Variants in HTR1F observed in about 807,000 individuals in gnomAD.
HTR1F encodes the protein 5-hydroxytryptamine receptor 1F, also known as 5-hydroxytryptamine (serotonin) receptor 1F, G protein-coupled.
Under a neutral mutation model 24.0 loss-of-function variants are expected in HTR1F, and 17 were observed. The observed-to-expected ratio is 0.71, with a 90% CI of 0.48 to 1.06. HTR1F has a LOEUF of 1.06. HTR1F is among the 50% of genes least tolerant of loss of function. HTR1F has a pLI of 0.00. For synonymous variants in HTR1F, 186 were observed against 156.8 expected, an observed-to-expected ratio of 1.19 and a Z score of -1.39; for missense variants, 391 against 427.8, an observed-to-expected ratio of 0.91 and a Z score of 0.76.
At chr3:87,894,045 A>G (rs1002508056) in intron 2 of HTR1F, among the ~76,000 whole-genome samples, 7 of 151,470 alleles carry the variant, frequency 4.6e-5, no homozygotes, top group African/African-American at 1.7e-4. Context: ...TTTGGGGGGA[A>G]CAGGTGGTAT....
chr3:87,873,165 G>T (rs1705597868), intron 2 of HTR1F, among the ~76,000 whole-genome samples: 1 of 149,792 alleles, frequency 6.7e-6, no homozygotes, highest in Non-Finnish European at 1.5e-5. Context: ...TATAAGAATT[G>T]GTTCATATGC....
chr3:87,975,299 C>A (rs545992856), intron 2 of HTR1F, among the ~76,000 whole-genome samples: 1 of 151,848 alleles, frequency 6.6e-6, no homozygotes, highest in African/African-American at 2.4e-5. Context: ...AAAAAAAAAT[C>A]CAAATCTTGC....
chr3:87,931,577 C>T (rs922047640), intron 2 of HTR1F, among the ~76,000 whole-genome samples: 13 of 152,114 alleles, frequency 8.5e-5, no homozygotes, highest in Non-Finnish European at 1.8e-4. Flanking sequence ...AATGGGATGG[C>T]TGGATCAAAT....
At chr3:87,808,463 T>A (rs763695490) in intron 1 of HTR1F, among the ~76,000 whole-genome samples, 1 of 151,800 alleles carries the variant, frequency 6.6e-6, no homozygotes, top group Non-Finnish European at 1.5e-5. Flanking sequence ...AGTTGTAATG[T>A]CTTTTTTTTT....
chr3:87,888,191 C>T (rs1404120097), intron 2 of HTR1F, among the ~76,000 whole-genome samples: 1 of 152,090 alleles, frequency 6.6e-6, no homozygotes, highest in Non-Finnish European at 1.5e-5. Flanking sequence ...AAGCTGGAAA[C>T]CATCATTCTC....
intron 1 of HTR1F, among the ~76,000 whole-genome samples, chr3:87,796,226 A>ACAAGACTT (rs56140089): frequency 6.6e-6 from 1 of 152,120 alleles, no homozygotes. Flanking sequence ...ACTTGATGAT[A>ACAAGACTT]GATTAGATAT....
chr3:87,903,842 A>C (rs949219747), intron 2 of HTR1F, among the ~76,000 whole-genome samples: 1 of 152,224 alleles, frequency 6.6e-6, no homozygotes, highest in Non-Finnish European at 1.5e-5. Flanking sequence ...TTATTGCGGC[A>C]CTATTCACAA....
chr3:87,977,573 C>A (rs1442508504), intron 2 of HTR1F, among the ~76,000 whole-genome samples: 1 of 140,708 alleles, frequency 7.1e-6, no homozygotes, highest in African/African-American at 2.6e-5. Flanking sequence ...TAATTTTTTT[C>A]TTTTTTTTTT....
chr3:87,950,802 A>G (rs1704816887), intron 2 of HTR1F, among the ~76,000 whole-genome samples: 1 of 152,174 alleles, frequency 6.6e-6, no homozygotes, highest in Non-Finnish European at 1.5e-5. Flanking sequence ...TCATTGGTGG[A>G]AATGTCATTA....
chr3:87,924,565 G>A (rs1194439462), intron 2 of HTR1F, among the ~76,000 whole-genome samples: 1 of 152,044 alleles, frequency 6.6e-6, no homozygotes, highest in Non-Finnish European at 1.5e-5. Context: ...CTGGCCTAGT[G>A]GTGACAAATT....
At chr3:87,903,757 G>C (rs1010758035) in intron 2 of HTR1F, among the ~76,000 whole-genome samples, 30 of 152,064 alleles carry the variant, frequency 2.0e-4, no homozygotes, top group South Asian at 4.2e-4. Context: ...CCATTTGACC[G>C]AGCCATCCCA....
intron 2 of HTR1F, among the ~76,000 whole-genome samples, chr3:87,862,373 G>A (rs1278933636): frequency 6.6e-6 from 1 of 152,118 alleles, no homozygotes; most frequent in African/African-American, 2.4e-5. Flanking sequence ...TCCACCCTCT[G>A]GGATCAGTGA....
intron 2 of HTR1F, among the ~76,000 whole-genome samples, chr3:87,919,275 A>AGAT (rs1703960586): frequency 1.3e-5 from 2 of 152,164 alleles, no homozygotes; most frequent in Non-Finnish European, 2.9e-5. Context: ...AAATCCTAGA[A>AGAT]GATAACACTG....
intron 2 of HTR1F, among the ~76,000 whole-genome samples, chr3:87,829,502 T>C (rs1268878375): frequency 2.6e-5 from 4 of 152,202 alleles, no homozygotes; most frequent in Non-Finnish European, 4.4e-5. Flanking sequence ...GAGAAGGCAG[T>C]CGAACCACTA....
chr3:87,905,606 C>T (rs982272908), intron 2 of HTR1F, among the ~76,000 whole-genome samples: 1 of 151,902 alleles, frequency 6.6e-6, no homozygotes, highest in East Asian at 1.9e-4. Context: ...TTGAGACATA[C>T]TTTTTGAAAT....
At chr3:87,972,203 G>A (rs1368375836) in intron 2 of HTR1F, among the ~76,000 whole-genome samples, 1 of 152,072 alleles carries the variant, frequency 6.6e-6, no homozygotes, top group Non-Finnish European at 1.5e-5. Context: ...TATAAATGGT[G>A]GTTAAATTTG....
At chr3:87,973,857 T>A (rs1705338346) in intron 2 of HTR1F, among the ~76,000 whole-genome samples, 1 of 152,204 alleles carries the variant, frequency 6.6e-6, no homozygotes, top group Admixed American at 6.5e-5. Context: ...TAAATTAGGA[T>A]AATGCAGAAA....
At chr3:87,880,404 G>C (rs896480863) in intron 2 of HTR1F, among the ~76,000 whole-genome samples, 5 of 152,050 alleles carry the variant, frequency 3.3e-5, no homozygotes, top group African/African-American at 9.6e-5. Context: ...CAGCAAAAAG[G>C]CATACAGAAA....
At chr3:87,827,197 G>A (rs1374946912) in intron 2 of HTR1F, among the ~76,000 whole-genome samples, 1 of 150,878 alleles carries the variant, frequency 6.6e-6, no homozygotes, top group East Asian at 1.9e-4. Flanking sequence ...GTATATGTGT[G>A]CCATGGTGAT....
Sources: allele counts gnomAD v4.1 joint callset (sites outside exome capture counted in the v4.1 genomes callset), GRCh38; gene constraint gnomAD v4.1.1; transcripts MANE v1.5; gene names NCBI Gene and HGNC (gene_info 2026-07-23, HGNC 2026-07-21).